CTPS2: variants seen among roughly 807,000 people sequenced by gnomAD.
CTPS2 encodes the protein CTP synthase 2.
In CTPS2, 19 loss-of-function variants were observed where a neutral mutation model predicts 46.8. The ratio of observed to expected loss-of-function variants is 0.41; its 90% CI spans 0.28 to 0.60. The LOEUF is 0.60. Ranked by LOEUF, CTPS2 falls within the 20% of genes least tolerant of loss-of-function variation. The pLI is 0.35. For missense variants in CTPS2, 286 were observed against 447.6 expected (o/e 0.64, Z 3.26); for synonymous variants, 151 against 165.2 (o/e 0.91, Z 0.66).
Position 16,689,572 on chromosome X carries a change from T to G in CTPS2, c.750A>C (p.Thr250=), listed in dbSNP as rs774166291. 1 of 1,208,394 alleles carries G rather than the reference T, an allele frequency of 8.3e-7. No individual in the cohort carries two copies. The highest frequency in any genetic ancestry group is 3.0e-5 in the East Asian group (1 of 33,754). Reference sequence around the variant, plus strand: ...CCTCTAAAAGCACAGGAACTCGGTATGTGGAAGAAACATCATGGATACATA... The same window carrying G: ...CCTCTAAAAGCACAGGAACTCGGTAGGTGGAAGAAACATCATGGATACATA... ...QVICIHDVSS[T]YRVPVLLEEQ... is the part of the protein sequence containing the mutation. Residue 250 remains threonine (T), a synonymous_variant, in exon 8 of 19, where the codon ACA becomes ACC. Transcript: ENST00000359276.
chrX:16,658,018 C>T (rs1569215675), intron 13 of CTPS2, among the ~76,000 whole-genome samples: 1 of 111,131 alleles, frequency 9.0e-6, no homozygotes, highest in Non-Finnish European at 1.9e-5. Flanking sequence ...CTAGCCTGGG[C>T]AGCATGGTGA....
chrX:16,639,777 A>AAAAGAAAGAAAGAAAGAAAGAAAG (rs10682704), intron 13 of CTPS2, among the ~76,000 whole-genome samples: 4 of 72,665 alleles, frequency 5.5e-5, no homozygotes, highest in Non-Finnish European at 1.1e-4. Context: ...AAAGGAAAAG[A>AAAAGAAAGAAAGAAAGAAAGAAAG]AAAGAAAGAA....
In CTPS2 at chrX:16,689,470, C is replaced by A. The variant is rs759353943; in HGVS notation, c.852G>T (p.Lys284Asn). Reference sequence around the variant, plus strand: ...CTTACCTGTCAGCCATATTTCTCCACTTAAAAAGCAAATTACTTGCAGAAT... The same window carrying A: ...CTTACCTGTCAGCCATATTTCTCCAATTAAAAAGCAAATTACTTGCAGAAT... The part of the protein sequence containing the change: ...IGDSASNLLF[K>N]WRNMADRYER... The change falls in exon 8 of 19, where the codon AAG becomes AAT. Residue 284 changes from lysine to asparagine, a missense_variant. Lys to Asn is a moderately conservative substitution (Grantham distance 94, BLOSUM62 0). Coordinates refer to ENST00000359276, the MANE Select transcript of CTPS2 (RefSeq NM_175859.3). 1 of 1,210,568 alleles carries A rather than the reference C, an allele frequency of 8.3e-7. No individual in the cohort carries two copies. The highest frequency in any genetic ancestry group is 3.0e-5 in the East Asian group (1 of 33,833).
At chrX:16,626,945 A>G (rs1931187209) in intron 14 of CTPS2, 1 of 113,566 alleles carries the variant, frequency 8.8e-6, no homozygotes, top group East Asian at 2.8e-4. Flanking sequence ...TCTGATCCTT[A>G]TCTTTCCCCC....
intron 13 of CTPS2, chrX:16,654,386 C>T: frequency 9.3e-7 from 1 of 1,073,305 alleles, no homozygotes; most frequent in Non-Finnish European, 1.3e-6. Flanking sequence ...CTTCTCCCAT[C>T]CTTTTTTATG....
Position 16,683,112 on chromosome X carries a change from G to T in CTPS2, c.987C>A (p.Asn329Lys). 8.3e-7 allele frequency: 1 copy of T among 1,211,597 alleles called. No homozygotes were observed. Among genetic ancestry groups the T allele is most frequent in the Non-Finnish European group, 1.1e-6 (1 of 895,432 alleles). Reference protein sequence around the residue: ...KALEHSALAINHKLNLMYIDS... With the variant: ...KALEHSALAIKHKLNLMYIDS... The stretch of plus-strand genomic sequence containing the variant: ...GACTCACCATCAGATTCAACTTGTG[G>T]TTGATGGCCAGGGCTGAGTGTTCCA... The change falls in exon 9 of 19, where the codon AAC (asparagine) becomes AAA (lysine). Residue 329 changes from asparagine to lysine, a missense_variant. By Grantham distance (94) the Asn-to-Lys change is moderately conservative. Transcript: ENST00000359276.
intron 13 of CTPS2, 147 bp from the exon 14 acceptor site, chrX:16,639,390 A>T (rs1048963737): frequency 6.0e-6 from 3 of 504,175 alleles, no homozygotes; most frequent in African/African-American, 2.3e-5. Flanking sequence ...ATCATGTTCA[A>T]ATACAGGCAT....
chrX:16,696,236 C>T (rs1446549190), intron 4 of CTPS2, among the ~76,000 whole-genome samples: 1 of 112,040 alleles, frequency 8.9e-6, no homozygotes, highest in Non-Finnish European at 1.9e-5. Flanking sequence ...CTTTGGCAGT[C>T]CTTCTTCAAA....
At chrX:16,644,327 G>C (rs956882191) in intron 13 of CTPS2, among the ~76,000 whole-genome samples, 1 of 110,560 alleles carries the variant, frequency 9.0e-6, no homozygotes, top group African/African-American at 3.3e-5. Context: ...TTGTAGAGAT[G>C]GGGTTTCGCC....
At position 16,690,573 on chromosome X, in the gene CTPS2, G is replaced by A. The variant is rs1302280614; in HGVS notation, c.720+967C>T. Among the ~76,000 whole-genome samples the A allele has an allele frequency of 9.9e-5, 11 of 111,088 alleles. No homozygotes were observed. The Admixed American group carries it at 1.1e-3, about 11-fold the overall frequency. Reference sequence around the variant, plus strand: ...TCAATTTGATCATTTTTAGACTTCAGAGAACCCAGAGTTATAATCTGAAGA... The same window carrying A: ...TCAATTTGATCATTTTTAGACTTCAAAGAACCCAGAGTTATAATCTGAAGA... On this transcript the variant is annotated intron_variant, in intron 7 of 18. Coordinates refer to ENST00000359276, the MANE Select transcript of CTPS2 (RefSeq NM_175859.3).
chrX:16,674,115 A>ATT (rs61591845), intron 10 of CTPS2, among the ~76,000 whole-genome samples: 33,360 of 98,852 alleles, frequency 0.34, 4,471 homozygotes, highest in East Asian at 0.38. Flanking sequence ...GAAAATGTGG[A>ATT]TTTTTTTTTT....
intron 4 of CTPS2, among the ~76,000 whole-genome samples, chrX:16,694,743 T>A (rs1347251103): frequency 8.9e-6 from 1 of 112,666 alleles, no homozygotes; most frequent in African/African-American, 3.2e-5. Flanking sequence ...CTCACACCTG[T>A]AATCCCAACA....
chrX:16,631,841 T>C (rs893050047), intron 14 of CTPS2, among the ~76,000 whole-genome samples: 14 of 111,675 alleles, frequency 1.3e-4, no homozygotes, highest in South Asian at 3.8e-4. Flanking sequence ...TATGTTCCCA[T>C]CTCTTGTGCT....
At chrX:16,686,029 G>A (rs7887934) in intron 8 of CTPS2, among the ~76,000 whole-genome samples, 5 of 110,326 alleles carry the variant, frequency 4.5e-5, no homozygotes, top group Non-Finnish European at 1.9e-5. Context: ...TTTGGCCTCC[G>A]TTTGGCTCCT....
chrX:16,701,895 G>A (rs1320107202), intron 2 of CTPS2, among the ~76,000 whole-genome samples: 3 of 110,904 alleles, frequency 2.7e-5, no homozygotes, highest in South Asian at 3.8e-4. Flanking sequence ...CACCACGCCC[G>A]GCAGGACATG....
intron 17 of CTPS2, among the ~76,000 whole-genome samples, chrX:16,602,253 C>T (rs1045136975): frequency 1.8e-5 from 2 of 111,459 alleles, no homozygotes; most frequent in East Asian, 5.6e-4. Context: ...TGTGCGCTTG[C>T]AGGTCTGTGC....
At chrX:16,590,394 T>C (rs896848657) in intron 18 of CTPS2, among the ~76,000 whole-genome samples, 2 of 111,926 alleles carry the variant, frequency 1.8e-5, no homozygotes, top group Admixed American at 9.5e-5. Flanking sequence ...AACAGCAGAA[T>C]TGAGTAGTTG....
In CTPS2 at chrX:16,691,490, C is replaced by T. The variant is rs374484171; in HGVS notation, c.720+50G>A. On this transcript the variant is annotated intron_variant, in intron 7 of 18. Coordinates refer to ENST00000359276, the MANE Select transcript of CTPS2 (RefSeq NM_175859.3). ...TCATTGAAGAGGTACAAAACACTGG[C>T]ATCAGCAGAAGTGCCTGCCAGACAA... The T allele has an allele frequency of 3.1e-5, 31 of 996,301 alleles. No individual in the cohort carries two copies. The African/African-American group carries it at 5.4e-4, about 17-fold the overall frequency. 82.1% of individuals were successfully genotyped at this position (996,301 alleles called of 1,213,427 possible).
rs756750376 is a variant in CTPS2, at chrX:16,633,060, T to G, written c.1393+6087A>C. The stretch of plus-strand genomic sequence containing the variant: ...TCCGTGGAGTTCATTCAACATGCAG[T>G]TCTTTTTCTTTTTCTTTTCTTTTGT... On this transcript the variant is annotated intron_variant, in intron 14 of 18. Transcript: ENST00000359276. Among the ~76,000 whole-genome samples, 5 of 96,563 alleles carry G rather than the reference T, an allele frequency of 5.2e-5. 1 individual carries two copies. In the South Asian group the frequency reaches 2.1e-3, roughly 40 times the overall value. 83.9% of individuals were successfully genotyped at this position (96,563 alleles called of 115,157 possible). A position where few individuals can be genotyped will look rare whatever the true frequency, so the allele number is the denominator to read the frequency against.
Sources: allele counts gnomAD v4.1 joint callset (sites outside exome capture counted in the v4.1 genomes callset), GRCh38; gene constraint gnomAD v4.1.1; transcripts MANE v1.5; gene names NCBI Gene and HGNC (gene_info 2026-07-23, HGNC 2026-07-21).